The following KDM4C variants were observed in gnomAD, a reference collection of about 807,000 sequenced individuals.
KDM4C encodes the protein lysine-specific demethylase 4C.
A neutral mutation model predicts 129.3 loss-of-function variants in KDM4C; 81 were observed. The ratio of observed to expected loss-of-function variants is 0.63; its 90% confidence interval spans 0.52 to 0.75. KDM4C has a LOEUF of 0.75. KDM4C is among the 30% of genes least tolerant of loss of function. The pLI, the probability that KDM4C is intolerant of heterozygous loss-of-function variation, is 0.00. For synonymous variants in KDM4C, 573 were observed against 456.1 expected, an observed-to-expected ratio of 1.26 and a Z score of -3.26; for missense variants, 1,457 against 1,304.0, an observed-to-expected ratio of 1.12 and a Z score of -1.81.
At chr9:7,124,316 T>C (rs1236457446) in intron 18 of KDM4C, among the ~76,000 whole-genome samples, 2 of 152,234 alleles carry the variant, frequency 1.3e-5, no homozygotes, top group Admixed American at 6.5e-5. Flanking sequence ...TGACAATGAC[T>C]GTTTTTCAGT....
intron 17 of KDM4C, among the ~76,000 whole-genome samples, chr9:7,059,575 G>A (rs1028126200): frequency 6.6e-6 from 1 of 152,166 alleles, no homozygotes; most frequent in African/African-American, 2.4e-5. Flanking sequence ...GTATCATGAA[G>A]AATGTCCATG....
chr9:6,984,871 C>G (rs947871540), intron 10 of KDM4C, among the ~76,000 whole-genome samples: 1 of 152,186 alleles, frequency 6.6e-6, no homozygotes, highest in Non-Finnish European at 1.5e-5. Context: ...CCCCTTGCTT[C>G]TCTTTTGTAC....
intron 4 of KDM4C, among the ~76,000 whole-genome samples, chr9:6,847,670 G>T (rs1199751583): frequency 1.3e-5 from 2 of 152,198 alleles, no homozygotes; most frequent in African/African-American, 4.8e-5. Context: ...GATTACAGGC[G>T]TGAGTCTCCG....
In KDM4C at chr9:6,758,005, C is replaced by T. The variant is rs886139249; in HGVS notation, c.-216C>T. 1.0e-6 allele frequency: 1 copy of T among 985,422 alleles called. No homozygotes were observed. Among genetic ancestry groups the T allele is most frequent in the Non-Finnish European group, 1.2e-6 (1 of 829,932 alleles). 61.0% of individuals were successfully genotyped at this position (985,422 alleles called of 1,614,324 possible). A position where few individuals can be genotyped will look rare whatever the true frequency, so the allele number is the denominator to read the frequency against. Reference sequence around the variant, plus strand: ...GCGGTGCGCGCGCCTTCGCCGCTGCCTCCCACCCACCCCCTCGACGGGAGG... The same window carrying T: ...GCGGTGCGCGCGCCTTCGCCGCTGCTTCCCACCCACCCCCTCGACGGGAGG... On this transcript the variant is annotated 5_prime_UTR_variant, in exon 1 of 22. Transcript: ENST00000381309. The surrounding 1 kb of genome is among the most constrained non-coding windows in gnomAD (Gnocchi z 4.6).
intron 12 of KDM4C, among the ~76,000 whole-genome samples, chr9:7,003,151 C>T (rs1248779403): frequency 6.6e-6 from 1 of 152,146 alleles, no homozygotes; most frequent in Non-Finnish European, 1.5e-5. Flanking sequence ...CAGACGTGAG[C>T]CACTGTGTCC....
chr9:6,885,229 G>A (rs1200085880), intron 6 of KDM4C, among the ~76,000 whole-genome samples: 1 of 152,062 alleles, frequency 6.6e-6, no homozygotes, highest in Non-Finnish European at 1.5e-5. Flanking sequence ...TGTCCCTATC[G>A]TTTTACCTTT....
chr9:6,882,392 T>C (rs1287945801), intron 6 of KDM4C, among the ~76,000 whole-genome samples: 1 of 152,238 alleles, frequency 6.6e-6, no homozygotes, highest in East Asian at 1.9e-4. Flanking sequence ...AAAGATAATA[T>C]TGCTGTTATA....
Position 6,728,066 on chromosome 9 carries a change from C to CAAA in KDM4C, c.49+7095_49+7097dup, listed in dbSNP as rs574486528. On this transcript the variant is annotated intron_variant, in intron 1 of 17. Coordinates refer to the KDM4C transcript ENST00000536108. ...TTGGCCAAAACCAACCATGAAGCTG[C>CAAA]AAAAAAAAAAAAAAAAAAAAAAAAA... 4.3e-4 allele frequency among the ~76,000 whole-genome samples: 32 copies of CAAA among 73,938 alleles called. 2 individuals carry two copies. The highest frequency in any genetic ancestry group is 1.5e-3 in the African/African-American group (26 of 17,380). 48.5% of individuals were successfully genotyped at this position (73,938 alleles called of 152,430 possible). A position where few individuals can be genotyped will look rare whatever the true frequency, so the allele number is the denominator to read the frequency against.
intron 4 of KDM4C, 87 bp downstream of exon 4, chr9:6,814,832 G>A: frequency 2.6e-6 from 2 of 760,684 alleles, no homozygotes; most frequent in Non-Finnish European, 4.2e-6. Context: ...GTGTTCTTTT[G>A]TTGTGCTTTT....
At chr9:6,900,568 A>C (rs574788974) in intron 8 of KDM4C, among the ~76,000 whole-genome samples, 2 of 152,290 alleles carry the variant, frequency 1.3e-5, no homozygotes, top group East Asian at 3.9e-4. Flanking sequence ...CCAGGAGTTC[A>C]AGGTTACAGT....
intron 19 of KDM4C, among the ~76,000 whole-genome samples, chr9:7,161,090 C>T (rs936691079): frequency 1.3e-5 from 2 of 152,232 alleles, no homozygotes; most frequent in Admixed American, 6.5e-5. Flanking sequence ...TCTCAGACTG[C>T]TGCGCTAGCA....
chr9:7,151,914 G>A (rs1027903336), intron 19 of KDM4C, among the ~76,000 whole-genome samples: 1 of 152,238 alleles, frequency 6.6e-6, no homozygotes, highest in Non-Finnish European at 1.5e-5. Flanking sequence ...GACGCAGTCA[G>A]AAGAAGGGGC....
intron 6 of KDM4C, among the ~76,000 whole-genome samples, chr9:6,883,427 A>G (rs951930442): frequency 6.6e-6 from 1 of 152,180 alleles, no homozygotes; most frequent in Admixed American, 6.5e-5. Flanking sequence ...GGGTATGTTT[A>G]TTTTCGTCTA....
chr9:7,109,671 A>G (rs1253328921), intron 18 of KDM4C, among the ~76,000 whole-genome samples: 2 of 152,162 alleles, frequency 1.3e-5, no homozygotes, highest in South Asian at 4.1e-4. Context: ...TCTTTTAAAC[A>G]TCATCATGGT....
At chr9:6,781,655 A>G (rs117212618) in intron 1 of KDM4C, among the ~76,000 whole-genome samples, 7 of 152,276 alleles carry the variant, frequency 4.6e-5, no homozygotes, top group Non-Finnish European at 8.8e-5. Flanking sequence ...AATAGACCAT[A>G]GAATGGACAC....
intron 2 of KDM4C, among the ~76,000 whole-genome samples, chr9:6,793,823 G>A (rs866864671): frequency 1.1e-4 from 16 of 152,000 alleles, no homozygotes; most frequent in African/African-American, 3.4e-4. Context: ...GATTAAAGGC[G>A]TGAGCCACTG....
chr9:6,855,345 G>A (rs1240453348), intron 5 of KDM4C, among the ~76,000 whole-genome samples: 4 of 151,362 alleles, frequency 2.6e-5, no homozygotes, highest in Non-Finnish European at 5.9e-5. Context: ...TGTAGTCCCA[G>A]CTACTCGGGA....
chr9:6,758,932 C>A lies in KDM4C; in HGVS notation c.-18+729C>A, dbSNP rs1429619343. ...CAGGAGCTTGGGGTTTTCCTCTGTG[C>A]TCCGCCAGTAAAGCCAGCAGCCGGG... On this transcript the variant is annotated intron_variant, in intron 1 of 21. Transcript: ENST00000381309. The surrounding 1 kb of genome is among the most constrained non-coding windows in gnomAD (Gnocchi z 4.6). 6.6e-6 allele frequency among the ~76,000 whole-genome samples: 1 copy of A among 152,190 alleles called. No homozygotes were observed. The highest frequency in any genetic ancestry group is 2.4e-5 in the African/African-American group (1 of 41,456).
chr9:7,023,914 T>G (rs1422890673), intron 15 of KDM4C, among the ~76,000 whole-genome samples: 1 of 152,238 alleles, frequency 6.6e-6, no homozygotes, highest in Non-Finnish European at 1.5e-5. Flanking sequence ...AGCATATTGT[T>G]TCATTTCCAT....
Sources: allele counts gnomAD v4.1 joint callset (sites outside exome capture counted in the v4.1 genomes callset), GRCh38; gene constraint gnomAD v4.1.1; non-coding constraint Gnocchi (gnomAD v3.1); transcripts MANE v1.5; gene names NCBI Gene and HGNC (gene_info 2026-07-23, HGNC 2026-07-21).